The following LUC7L2 variants were observed in gnomAD, a reference collection of about 807,000 sequenced individuals.
LUC7L2 encodes the protein putative RNA-binding protein Luc7-like 2.
LUC7L2 carries 25 observed loss-of-function variants against 52.8 expected under a neutral mutation model. The ratio of observed to expected loss-of-function variants is 0.47; its 90% CI spans 0.34 to 0.66. LUC7L2 has a LOEUF of 0.66. Ranked by LOEUF, LUC7L2 falls within the 30% of genes least tolerant of loss-of-function variation. LUC7L2 has a pLI of 0.01. For missense variants in LUC7L2, 328 were observed against 497.8 expected, an observed-to-expected ratio of 0.66 and a Z score of 3.25; for synonymous variants, 144 against 160.9, an observed-to-expected ratio of 0.89 and a Z score of 0.80.
intron 2 of LUC7L2, among the ~76,000 whole-genome samples, chr7:139,378,571 C>A (rs979031199): frequency 1.4e-4 from 17 of 120,510 alleles, no homozygotes; most frequent in Non-Finnish European, 2.3e-4. Flanking sequence ...TGAGACCCTG[C>A]CTCAAAAAAA....
chr7:139,411,103 T>C (rs186958012), intron 7 of LUC7L2, among the ~76,000 whole-genome samples: 1 of 152,322 alleles, frequency 6.6e-6, no homozygotes, highest in Admixed American at 6.5e-5. Flanking sequence ...TAAGATTCAA[T>C]TGAGGTGACA....
chr7:139,359,933 G>C lies in LUC7L2; in HGVS notation c.-329G>C, dbSNP rs887559203. 12 of 421,126 alleles carry C rather than the reference G, an allele frequency of 2.8e-5. 1 individual carries two copies. The highest frequency in any genetic ancestry group is 2.6e-4 in the Admixed American group (6 of 22,800). The allele number at this position is 421,126 out of a possible 1,614,324, so 26.1% of individuals were successfully genotyped here. A position where few individuals can be genotyped will look rare whatever the true frequency, so the allele number is the denominator to read the frequency against. ...GACGGTGGCGGCGAGCGGCGTCAGA[G>C]CTTGAGGGGGGGTTGACGGCTTCTG... On this transcript the variant is annotated 5_prime_UTR_variant, in exon 1 of 10. Transcript: ENST00000354926.
At chr7:139,402,001 A>C in intron 3 of LUC7L2, 136 bp from the exon 4 acceptor site, 1 of 860,666 alleles carries the variant, frequency 1.2e-6, no homozygotes, top group Non-Finnish European at 1.7e-6. Context: ...AGCCTCCTAA[A>C]GTGCTCAATT....
At chr7:139,411,577 A>G (rs549219951) in intron 7 of LUC7L2, among the ~76,000 whole-genome samples, 3 of 152,258 alleles carry the variant, frequency 2.0e-5, no homozygotes, top group African/African-American at 7.2e-5. Context: ...TAAAACTCAA[A>G]TCTGGCTGAT....
chr7:139,411,016 T>C (rs887823784), intron 7 of LUC7L2, among the ~76,000 whole-genome samples: 2 of 152,240 alleles, frequency 1.3e-5, no homozygotes, highest in Non-Finnish European at 2.9e-5. Context: ...CTTTTGTGTA[T>C]AGTAAGTCCT....
chr7:139,392,341 T>G, intron 2 of LUC7L2: 1 of 301,304 alleles, frequency 3.3e-6, no homozygotes, highest in Non-Finnish European at 6.6e-6. Flanking sequence ...TAATGAAGCT[T>G]AAGAGTTTAT....
At position 139,422,684 on chromosome 7, in the gene LUC7L2, C is replaced by T. The variant is rs568596143; in HGVS notation, c.*344C>T. 1.4e-5 allele frequency: 6 copies of T among 414,220 alleles called. No individual in the cohort carries two copies. In the East Asian group the frequency reaches 2.1e-4, roughly 15 times the overall value. The allele number at this position is 414,220 out of a possible 1,614,324, so 25.7% of individuals were successfully genotyped here. A position where few individuals can be genotyped will look rare whatever the true frequency, so the allele number is the denominator to read the frequency against. ...TAAAATGCTGTCTTCCTAGTCCAAA[C>T]AGCTGCAGCTTTGGGCATTTTTCTT... On this transcript the variant is annotated 3_prime_UTR_variant, in exon 10 of 10. Coordinates refer to ENST00000354926, the MANE Select transcript of LUC7L2 (RefSeq NM_016019.5).
At chr7:139,378,702 A>T (rs1270515577) in intron 2 of LUC7L2, among the ~76,000 whole-genome samples, 2 of 152,260 alleles carry the variant, frequency 1.3e-5, no homozygotes, top group East Asian at 3.8e-4. Flanking sequence ...CCCAAAAAGC[A>T]TTTGTTCTTT....
intron 2 of LUC7L2, among the ~76,000 whole-genome samples, chr7:139,384,359 G>A (rs1047074352): frequency 6.6e-6 from 1 of 151,316 alleles, no homozygotes; most frequent in Non-Finnish European, 1.5e-5. Context: ...TCTGCCTCTC[G>A]GGTTCAACCG....
intron 2 of LUC7L2, among the ~76,000 whole-genome samples, chr7:139,381,822 C>T (rs549966769): frequency 2.6e-5 from 4 of 151,272 alleles, no homozygotes; most frequent in Admixed American, 6.6e-5. Flanking sequence ...GTGATCTGCC[C>T]GCCTCACCCT....
intron 1 of LUC7L2, among the ~76,000 whole-genome samples, chr7:139,353,578 G>C (rs908783757): frequency 3.3e-5 from 5 of 152,046 alleles, no homozygotes; most frequent in African/African-American, 7.2e-5. Context: ...AAGGCGGGTG[G>C]ATCACGCAGT....
intron 2 of LUC7L2, among the ~76,000 whole-genome samples, chr7:139,390,846 A>G (rs970282843): frequency 6.6e-6 from 1 of 152,164 alleles, no homozygotes; most frequent in African/African-American, 2.4e-5. Flanking sequence ...GTGAGCCACC[A>G]TGCCGGGCCT....
intron 6 of LUC7L2, among the ~76,000 whole-genome samples, chr7:139,408,841 CAAA>C (rs564827916): frequency 8.1e-5 from 7 of 86,926 alleles, no homozygotes; most frequent in South Asian, 3.7e-4. Context: ...GACTCTGTCT[CAAA>C]AAAAAAAAAA....
intron 2 of LUC7L2, among the ~76,000 whole-genome samples, chr7:139,380,396 G>A (rs981941525): frequency 3.9e-5 from 6 of 151,944 alleles, no homozygotes; most frequent in African/African-American, 1.2e-4. Context: ...TCAGGAGTTC[G>A]AGACCAGCCT....
chr7:139,340,664 A>G (rs1798892456), intron 1 of LUC7L2: 1 of 395,576 alleles, frequency 2.5e-6, no homozygotes, highest in African/African-American at 2.1e-5. Context: ...AGAGGAAAAT[A>G]GTTGAATATG....
intron 2 of LUC7L2, among the ~76,000 whole-genome samples, chr7:139,383,242 A>G (rs1369599798): frequency 2.0e-5 from 3 of 151,820 alleles, no homozygotes; most frequent in Non-Finnish European, 4.4e-5. Context: ...CAGCCTCCCA[A>G]GTAGCTGGGA....
chr7:139,340,685 G>A (rs868196660), intron 1 of LUC7L2: 16 of 393,234 alleles, frequency 4.1e-5, no homozygotes, highest in South Asian at 1.4e-4. Flanking sequence ...TTGTGTGAGC[G>A]CGTCGTTTGC....
intron 4 of LUC7L2, among the ~76,000 whole-genome samples, chr7:139,403,542 C>G (rs1795002823): frequency 6.6e-6 from 1 of 150,688 alleles, no homozygotes; most frequent in Non-Finnish European, 1.5e-5. Context: ...AAGATGGGGA[C>G]TGGAAAGACG....
intron 1 of LUC7L2, among the ~76,000 whole-genome samples, chr7:139,342,727 G>A (rs1342800347): frequency 2.0e-5 from 3 of 152,130 alleles, no homozygotes; most frequent in Admixed American, 2.0e-4. Flanking sequence ...CTCCCAAAGT[G>A]TTGTAATTAC....
Sources: allele counts gnomAD v4.1 joint callset (sites outside exome capture counted in the v4.1 genomes callset), GRCh38; gene constraint gnomAD v4.1.1; transcripts MANE v1.5; gene names NCBI Gene and HGNC (gene_info 2026-07-23, HGNC 2026-07-21).